Variants in DGKB observed in about 807,000 individuals in gnomAD.
DGKB encodes the protein diacylglycerol kinase beta.
DGKB carries 67 observed loss-of-function variants against 114.3 expected under a neutral mutation model. The ratio of observed to expected loss-of-function variants is 0.59; its 90% CI spans 0.48 to 0.72. The LOEUF (loss-of-function observed/expected upper bound fraction) is 0.72. Among genes scored for constraint, DGKB ranks in the 30% least tolerant of loss-of-function variants. The pLI, the probability that DGKB is intolerant of heterozygous loss-of-function variation, is 0.00. For missense variants in DGKB, 907 were observed against 975.2 expected (o/e 0.93, Z 0.93); for synonymous variants, 398 against 323.1 (o/e 1.23, Z -2.49).
In DGKB at chr7:14,148,418, C is replaced by T. The variant is rs990592047; in HGVS notation, c.*713G>A. On this transcript the variant is annotated 3_prime_UTR_variant, in exon 26 of 26. Coordinates refer to ENST00000402815, the MANE Select transcript of DGKB (RefSeq NM_001350709.2). ...TCCTAGATTCTCATGCAGAAAGGAA[C>T]AAGGCTTGCCATATTACCACACTTG... The T allele has an allele frequency of 6.6e-6, 1 of 152,554 alleles. No individual in the cohort carries two copies. The highest frequency in any genetic ancestry group is 1.5e-5 in the Non-Finnish European group (1 of 68,024). 9.5% of individuals were successfully genotyped at this position (152,554 alleles called of 1,614,324 possible). A position where few individuals can be genotyped will look rare whatever the true frequency, so the allele number is the denominator to read the frequency against.
chr7:14,609,035 C>T (rs140290604), intron 16 of DGKB, among the ~76,000 whole-genome samples: 33 of 152,120 alleles, frequency 2.2e-4, no homozygotes, highest in African/African-American at 6.3e-4. Context: ...CTACCAATGT[C>T]GTTCTTCAAA....
At chr7:14,238,436 T>A (rs951908423) in intron 23 of DGKB, among the ~76,000 whole-genome samples, 3 of 152,150 alleles carry the variant, frequency 2.0e-5, no homozygotes, top group African/African-American at 7.2e-5. Context: ...CTTTTCTTTA[T>A]AAATTATCCA....
At chr7:14,668,469 T>C (rs1369953168) in intron 13 of DGKB, among the ~76,000 whole-genome samples, 1 of 152,134 alleles carries the variant, frequency 6.6e-6, no homozygotes, top group Non-Finnish European at 1.5e-5. Context: ...TAAATTGCCA[T>C]GTACTATTCA....
At chr7:14,524,518 G>T (rs574282647) in intron 20 of DGKB, among the ~76,000 whole-genome samples, 1 of 152,294 alleles carries the variant, frequency 6.6e-6, no homozygotes, top group East Asian at 1.9e-4. Flanking sequence ...GACTTTGGGA[G>T]GCCAAGGCGG....
At chr7:14,812,089 G>A (rs972962991) in intron 2 of DGKB, among the ~76,000 whole-genome samples, 2 of 152,020 alleles carry the variant, frequency 1.3e-5, no homozygotes, top group Admixed American at 6.6e-5. Context: ...AGGTCATCAA[G>A]CTTCATTCAT....
intron 21 of DGKB, among the ~76,000 whole-genome samples, chr7:14,455,068 C>T (rs1832077530): frequency 6.6e-6 from 1 of 152,004 alleles, no homozygotes; most frequent in South Asian, 2.1e-4. Context: ...AACCCAATAT[C>T]ACGTTTGAAC....
At chr7:14,192,416 T>C (rs533399205) in intron 23 of DGKB, among the ~76,000 whole-genome samples, 1 of 152,028 alleles carries the variant, frequency 6.6e-6, no homozygotes, top group Non-Finnish European at 1.5e-5. Context: ...AGGTGAAAGA[T>C]CTCTACAATA....
intron 1 of DGKB, among the ~76,000 whole-genome samples, chr7:14,943,346 T>C (rs2128255799): frequency 6.6e-6 from 1 of 151,978 alleles, no homozygotes; most frequent in African/African-American, 2.4e-5. Context: ...AAAAAACCTC[T>C]ATAATTAAAA....
At chr7:14,850,162 C>A (rs1017692212) in intron 1 of DGKB, among the ~76,000 whole-genome samples, 2 of 152,110 alleles carry the variant, frequency 1.3e-5, no homozygotes, top group Non-Finnish European at 1.5e-5. Flanking sequence ...AACATGGTGG[C>A]CACTGGTGAC....
At chr7:14,464,409 T>C (rs193277675) in intron 21 of DGKB, among the ~76,000 whole-genome samples, 2,156 of 151,046 alleles carry the variant, frequency 0.014, 55 homozygotes, top group African/African-American at 0.048. Context: ...TTAGTAAAAG[T>C]AAGATGAAAA....
At chr7:14,522,573 C>G (rs1789964762) in intron 20 of DGKB, among the ~76,000 whole-genome samples, 2 of 152,114 alleles carry the variant, frequency 1.3e-5, no homozygotes, top group African/African-American at 2.4e-5. Flanking sequence ...CAAGCCCTGC[C>G]CTGTCCTGGT....
chr7:14,681,905 T>C (rs367956116), intron 12 of DGKB, among the ~76,000 whole-genome samples: 4 of 152,216 alleles, frequency 2.6e-5, no homozygotes, highest in African/African-American at 9.6e-5. Context: ...TCAGTCTCTC[T>C]TATACCCCAA....
At chr7:14,330,870 A>G (rs1171012991) in intron 23 of DGKB, among the ~76,000 whole-genome samples, 1 of 152,036 alleles carries the variant, frequency 6.6e-6, no homozygotes, top group Non-Finnish European at 1.5e-5. Context: ...TTTATAGGAT[A>G]GCCAAACAAA....
At chr7:14,585,187 C>A (rs1157954440) in intron 17 of DGKB, among the ~76,000 whole-genome samples, 2 of 151,928 alleles carry the variant, frequency 1.3e-5, no homozygotes, top group Non-Finnish European at 2.9e-5. Context: ...GATATTTAAC[C>A]TTTGTGAGAC....
At chr7:14,431,784 A>G (rs1828488376) in intron 21 of DGKB, among the ~76,000 whole-genome samples, 2 of 152,174 alleles carry the variant, frequency 1.3e-5, no homozygotes, top group African/African-American at 4.8e-5. Flanking sequence ...AAAGATGTAT[A>G]TATTGATTCA....
At chr7:14,341,045 A>C (rs2128581675) in intron 22 of DGKB, among the ~76,000 whole-genome samples, 1 of 151,782 alleles carries the variant, frequency 6.6e-6, no homozygotes, top group Non-Finnish European at 1.5e-5. Flanking sequence ...ATTGAAAAAC[A>C]TGAGTGTATG....
At chr7:14,567,782 T>G (rs1390838763) in intron 20 of DGKB, among the ~76,000 whole-genome samples, 1 of 150,860 alleles carries the variant, frequency 6.6e-6, no homozygotes, top group African/African-American at 2.4e-5. Flanking sequence ...AATTTTTGTA[T>G]TTTTAGTAGA....
intron 4 of DGKB, among the ~76,000 whole-genome samples, chr7:14,738,297 G>C (rs1440496969): frequency 6.6e-6 from 1 of 152,186 alleles, no homozygotes; most frequent in African/African-American, 2.4e-5. Context: ...CAAGCATTGT[G>C]GTTAGAAGCA....
At chr7:14,654,929 G>GA (rs973985083) in intron 13 of DGKB, among the ~76,000 whole-genome samples, 1 of 151,580 alleles carries the variant, frequency 6.6e-6, no homozygotes, top group Non-Finnish European at 1.5e-5. Context: ...AAAACTACTA[G>GA]AAAAAAACAG....
Sources: gnomAD v4.1 joint callset for allele counts (sites outside exome capture counted in the v4.1 genomes callset) on GRCh38, gnomAD v4.1.1 for gene constraint, MANE v1.5 for transcripts, NCBI Gene and HGNC (gene_info 2026-07-23, HGNC 2026-07-21) for gene names.